Variants in TMEM132C observed in about 807,000 individuals in gnomAD.
TMEM132C encodes transmembrane protein 132C, also known as protein phosphatase 1, regulatory subunit 152.
TMEM132C carries 29 observed loss-of-function variants against 61.4 expected under a neutral mutation model. The observed-to-expected ratio is 0.47, with a 90% CI of 0.35 to 0.64. The LOEUF is 0.64. Among genes scored for constraint, TMEM132C ranks in the 30% least tolerant of loss-of-function variants. TMEM132C has a pLI of 0.00. For missense variants in TMEM132C, 1,408 were observed against 1,476.9 expected, an observed-to-expected ratio of 0.95 and a Z score of 0.76; for synonymous variants, 656 against 633.1, an observed-to-expected ratio of 1.04 and a Z score of -0.54.
At chr12:128,276,349 A>C (rs1870688534) in intron 1 of TMEM132C, among the ~76,000 whole-genome samples, 1 of 152,222 alleles carries the variant, frequency 6.6e-6, no homozygotes, top group Non-Finnish European at 1.5e-5. Flanking sequence ...CAAAGCAAAG[A>C]AAACAGAACT....
intron 1 of TMEM132C, among the ~76,000 whole-genome samples, chr12:128,368,274 C>T (rs1050487524): frequency 5.3e-5 from 8 of 152,210 alleles, no homozygotes; most frequent in East Asian, 1.9e-4. Flanking sequence ...CCGGAAGCAA[C>T]GTCCATTTGG....
chr12:128,306,404 G>C (rs564776617), intron 1 of TMEM132C, among the ~76,000 whole-genome samples: 1 of 151,738 alleles, frequency 6.6e-6, no homozygotes, highest in Non-Finnish European at 1.5e-5. Context: ...GGGTTTCATC[G>C]TGTTAGCCAG....
chr12:128,556,468 T>A (rs7964841), intron 3 of TMEM132C, among the ~76,000 whole-genome samples: 1,663 of 152,272 alleles, frequency 0.011, 33 homozygotes, highest in African/African-American at 0.038. Flanking sequence ...ATTTTCAAAT[T>A]ATGACACTCT....
At chr12:128,329,938 A>G (rs993401875) in intron 1 of TMEM132C, among the ~76,000 whole-genome samples, 7 of 152,212 alleles carry the variant, frequency 4.6e-5, no homozygotes, top group Non-Finnish European at 8.8e-5. Flanking sequence ...AGTTCGTGAC[A>G]GCCTCGGTGC....
chr12:128,518,143 C>T (rs548772762), intron 2 of TMEM132C, among the ~76,000 whole-genome samples: 89 of 152,204 alleles, frequency 5.8e-4, no homozygotes, highest in Non-Finnish European at 1.1e-3. Flanking sequence ...CTCTAGGGCT[C>T]GGCCCTGCGC....
chr12:128,672,335 G>A (rs559020311), intron 5 of TMEM132C, among the ~76,000 whole-genome samples: 1 of 152,124 alleles, frequency 6.6e-6, no homozygotes, highest in East Asian at 1.9e-4. Context: ...TGAATGTAAC[G>A]TGTTGATAAG....
chr12:128,549,763 C>A (rs1013861025), intron 3 of TMEM132C, among the ~76,000 whole-genome samples: 1 of 152,132 alleles, frequency 6.6e-6, no homozygotes, highest in African/African-American at 2.4e-5. Flanking sequence ...GTGCCTCGCG[C>A]TCTCCAAATG....
At chr12:128,353,892 G>A (rs1329673260) in intron 1 of TMEM132C, among the ~76,000 whole-genome samples, 1 of 152,156 alleles carries the variant, frequency 6.6e-6, no homozygotes, top group Admixed American at 6.5e-5. Flanking sequence ...GTATCACGGG[G>A]TTGCTGTTGT....
intron 1 of TMEM132C, among the ~76,000 whole-genome samples, chr12:128,309,285 A>G (rs1279668677): frequency 6.6e-6 from 1 of 152,190 alleles, no homozygotes; most frequent in African/African-American, 2.4e-5. Flanking sequence ...TTGGCAAATC[A>G]GCTATTCTTA....
chr12:128,352,975 G>T (rs889958803), intron 1 of TMEM132C, among the ~76,000 whole-genome samples: 1 of 152,134 alleles, frequency 6.6e-6, no homozygotes, highest in Non-Finnish European at 1.5e-5. Flanking sequence ...GGGAAGCAGG[G>T]TCTCAGGGGC....
At position 128,706,147 on chromosome 12, in the gene TMEM132C, C is replaced by T; in HGVS notation, c.3179C>T (p.Thr1060Ile). Residue 1060 changes from threonine to isoleucine, a missense_variant, in exon 9 of 9, where the codon ACC (threonine) becomes ATC (isoleucine). Thr to Ile is a moderately conservative substitution (Grantham distance 89). Transcript: ENST00000435159. ...KRKKVKFTTF[T>I]TIPPDDSCPT... ...AAGAAGGTGAAATTTACCACCTTTA[C>T]CACCATCCCCCCGGACGACAGCTGC... 1 of 1,551,618 alleles carries T rather than the reference C, an allele frequency of 6.4e-7. No homozygotes were observed. The highest frequency in any genetic ancestry group is 8.7e-7 in the Non-Finnish European group (1 of 1,146,928).
chr12:128,570,518 T>C lies in TMEM132C; in HGVS notation c.1121+26415T>C, dbSNP rs553935080. On this transcript the variant is annotated intron_variant, in intron 3 of 8. Transcript: ENST00000435159. This position sits in a 1 kb window ranked among gnomAD's most constrained non-coding sequence, Gnocchi z 4.7. ...TTTTACTGATGCCATGAACAGAAACTAGATTGCAGAGGCCTAACGAAACAC... is the reference window on the plus strand; with the variant it reads ...TTTTACTGATGCCATGAACAGAAACCAGATTGCAGAGGCCTAACGAAACAC... Among the ~76,000 whole-genome samples, 1 of 152,262 alleles carries C rather than the reference T, an allele frequency of 6.6e-6. No homozygotes were observed. The highest frequency in any genetic ancestry group is 6.5e-5 in the Admixed American group (1 of 15,304).
intron 1 of TMEM132C, among the ~76,000 whole-genome samples, chr12:128,305,307 C>T (rs1872539): frequency 0.54 from 81,622 of 151,850 alleles, 22,590 homozygotes; most frequent in Middle Eastern, 0.65. Context: ...GCATGTGATA[C>T]CTCAGTCTGA....
At chr12:128,315,053 T>C (rs1448613221) in intron 1 of TMEM132C, among the ~76,000 whole-genome samples, 3 of 152,148 alleles carry the variant, frequency 2.0e-5, no homozygotes, top group Non-Finnish European at 4.4e-5. Flanking sequence ...CAGAGGCAGG[T>C]TGCGATGGGA....
chr12:128,646,504 A>G (rs1445492493), intron 4 of TMEM132C, among the ~76,000 whole-genome samples: 1 of 143,826 alleles, frequency 7.0e-6, no homozygotes, highest in African/African-American at 2.9e-5. Context: ...GAGTGTGTTT[A>G]CTGGAGTCCA....
intron 2 of TMEM132C, among the ~76,000 whole-genome samples, chr12:128,454,423 C>A (rs1289395033): frequency 6.6e-6 from 1 of 152,220 alleles, no homozygotes; most frequent in Non-Finnish European, 1.5e-5. Context: ...GTGAATCTCA[C>A]CCCCAGCTCC....
Position 128,543,924 on chromosome 12 carries a change from G to GTC in TMEM132C, c.975-20_975-19dup, listed in dbSNP as rs375537600. The GTC allele has an allele frequency of 7.8e-4, 1,201 of 1,532,252 alleles. 8 individuals carry two copies. In the African/African-American group the frequency reaches 0.014, roughly 18 times the overall value. 94.9% of individuals were successfully genotyped at this position (1,532,252 alleles called of 1,614,324 possible). ...GTTGGAAAGGCCAAGCCTTAACCCT[G>GTC]TCTCTCTCTCTCTCCCATCTTCATC... On this transcript the variant is annotated intron_variant, in intron 2 of 8. Transcript: ENST00000435159.
intron 3 of TMEM132C, among the ~76,000 whole-genome samples, chr12:128,553,379 GT>G (rs1358378113): frequency 6.6e-6 from 1 of 152,104 alleles, no homozygotes; most frequent in Non-Finnish European, 1.5e-5. Flanking sequence ...TCAAAGATAT[GT>G]TTTTTAAACC....
chr12:128,346,656 T>C (rs181567492), intron 1 of TMEM132C, among the ~76,000 whole-genome samples: 59 of 152,318 alleles, frequency 3.9e-4, no homozygotes, highest in African/African-American at 1.3e-3. Context: ...TTATTCTTTT[T>C]GTGAGTTGTG....
Sources: gnomAD v4.1 joint callset for allele counts (sites outside exome capture counted in the v4.1 genomes callset) on GRCh38, gnomAD v4.1.1 for gene constraint, Gnocchi (gnomAD v3.1) non-coding constraint, MANE v1.5 for transcripts, NCBI Gene and HGNC (gene_info 2026-07-23, HGNC 2026-07-21) for gene names.